Variants in PRKN observed in about 807,000 individuals in gnomAD.
PRKN encodes the protein E3 ubiquitin-protein ligase parkin.
A neutral mutation model predicts 59.5 loss-of-function variants in PRKN; 56 were observed. The observed-to-expected ratio is 0.94, with a 90% confidence interval of 0.76 to 1.18. The LOEUF (loss-of-function observed/expected upper bound fraction) is 1.18, where lower values mean the gene tolerates loss of function less well. Ranked by LOEUF, PRKN falls within the 50% of genes most tolerant of loss-of-function variation. PRKN has a pLI of 0.00. For missense variants in PRKN, 657 were observed against 596.4 expected, an observed-to-expected ratio of 1.10 and a Z score of -1.06; for synonymous variants, 250 against 222.1, an observed-to-expected ratio of 1.13 and a Z score of -1.12.
At chr6:161,904,904 G>A (rs549983246) in intron 6 of PRKN, among the ~76,000 whole-genome samples, 7 of 152,276 alleles carry the variant, frequency 4.6e-5, no homozygotes, top group Non-Finnish European at 7.3e-5. Flanking sequence ...GACTGCAGCC[G>A]TGGAGGTCAA....
rs542543410 is a variant in PRKN at position 162,674,237 on chromosome 6, C to T, written c.7+53425G>A. On this transcript the variant is annotated intron_variant, in intron 1 of 11. Transcript: ENST00000366898. ...TTTTAAAACTTGGTTGGATGAAGCC[C>T]CACCAATGTCTTCAAAAGCCTAACA... is the stretch of plus-strand genomic sequence containing the variant. Among the ~76,000 whole-genome samples, 11 of 152,146 alleles carry T rather than the reference C, an allele frequency of 7.2e-5. No individual in the cohort carries two copies. The East Asian group carries it at 1.5e-3, about 21-fold the overall frequency.
At chr6:161,997,878 T>C (rs1333549416) in intron 5 of PRKN, among the ~76,000 whole-genome samples, 1 of 152,094 alleles carries the variant, frequency 6.6e-6, no homozygotes, top group Non-Finnish European at 1.5e-5. Context: ...TATAAGCCCA[T>C]CTGTGCAAAA....
In PRKN at chr6:161,593,392, G is replaced by A. The variant is rs976557030; in HGVS notation, c.872-23976C>T. Among the ~76,000 whole-genome samples the A allele has an allele frequency of 6.6e-6, 1 of 152,134 alleles. No homozygotes were observed. The highest frequency in any genetic ancestry group is 1.5e-5 in the Non-Finnish European group (1 of 68,026). On this transcript the variant is annotated intron_variant, in intron 7 of 11. Transcript: ENST00000366898. This position sits in a 1 kb window ranked among gnomAD's most constrained non-coding sequence, Gnocchi z 4.8. Reference sequence around the variant, plus strand: ...GCCCAGTGTCACAAAACTAATATATGGTGAGGCTGGTTTCAAGCTAATATT... The same window carrying A: ...GCCCAGTGTCACAAAACTAATATATAGTGAGGCTGGTTTCAAGCTAATATT...
intron 7 of PRKN, among the ~76,000 whole-genome samples, chr6:161,595,931 G>A (rs891012501): frequency 6.6e-6 from 1 of 152,182 alleles, no homozygotes. Context: ...ATCCACATCA[G>A]AGGTTGCATT....
At chr6:161,950,420 C>G (rs1779943326) in intron 6 of PRKN, among the ~76,000 whole-genome samples, 1 of 152,068 alleles carries the variant, frequency 6.6e-6, no homozygotes, top group African/African-American at 2.4e-5. Context: ...TGGTAAGCAC[C>G]TGTATCCCAG....
At chr6:162,341,146 A>G (rs1247759343) in intron 2 of PRKN, among the ~76,000 whole-genome samples, 1 of 152,204 alleles carries the variant, frequency 6.6e-6, no homozygotes, top group Non-Finnish European at 1.5e-5. Context: ...GCCAAGAAAC[A>G]TATGAAAAAA....
intron 6 of PRKN, among the ~76,000 whole-genome samples, chr6:161,945,019 GT>G (rs1236093405): frequency 6.6e-6 from 1 of 152,094 alleles, no homozygotes; most frequent in African/African-American, 2.4e-5. Context: ...GATTAAATTT[GT>G]CAGTATTGTC....
At chr6:161,368,231 T>C (rs570425586) in intron 10 of PRKN, among the ~76,000 whole-genome samples, 4 of 139,326 alleles carry the variant, frequency 2.9e-5, no homozygotes, top group Admixed American at 1.5e-4. Context: ...CTGCGAAACA[T>C]GGTGAAACCC....
rs927222903 is a variant in PRKN, at chr6:162,163,266, T to C, written c.534+37865A>G. 2.0e-5 allele frequency among the ~76,000 whole-genome samples: 3 copies of C among 149,162 alleles called. 1 individual carries two copies. The highest frequency in any genetic ancestry group is 4.4e-5 in the Non-Finnish European group (3 of 67,452). On this transcript the variant is annotated intron_variant, in intron 4 of 11. Coordinates refer to ENST00000366898, the MANE Select transcript of PRKN (RefSeq NM_004562.3). ...CAGGAATCACAGGACATCTCACTTA[T>C]TAAACGGCATCTATGGAATTATGCC... is the stretch of plus-strand genomic sequence containing the variant.
intron 1 of PRKN, among the ~76,000 whole-genome samples, chr6:162,706,813 G>A (rs1778355545): frequency 1.3e-5 from 2 of 151,348 alleles, no homozygotes; most frequent in African/African-American, 4.8e-5. Flanking sequence ...ATGTATCATA[G>A]ATATAGATCA....
chr6:162,475,568 AGT>A (rs965546071), intron 1 of PRKN, among the ~76,000 whole-genome samples: 3 of 134,780 alleles, frequency 2.2e-5, no homozygotes, highest in East Asian at 2.2e-4. Context: ...TATGCATGTG[AGT>A]GTGTGTGTGC....
intron 5 of PRKN, among the ~76,000 whole-genome samples, chr6:162,019,437 G>A (rs1204103233): frequency 6.6e-6 from 1 of 152,186 alleles, no homozygotes; most frequent in East Asian, 1.9e-4. Context: ...CAAGCTCAGA[G>A]ATGGATTGAA....
At position 161,630,921 on chromosome 6, in the gene PRKN, G is replaced by T. The variant is rs1260650162; in HGVS notation, c.872-61505C>A. ...AAAACGGTTTTCTTCCAAAATGTTA[G>T]TCACAGATAAAATAGGATACAGACA... On this transcript the variant is annotated intron_variant, in intron 7 of 11. Transcript: ENST00000366898. Among the ~76,000 whole-genome samples, 5 of 152,364 alleles carry T rather than the reference G, an allele frequency of 3.3e-5. No homozygotes were observed. The East Asian group carries it at 9.6e-4, about 29-fold the overall frequency.
intron 6 of PRKN, among the ~76,000 whole-genome samples, chr6:161,843,871 G>A (rs146630684): frequency 1.8e-3 from 268 of 152,230 alleles, no homozygotes; most frequent in Middle Eastern, 3.4e-3. Context: ...TTCAAACTCA[G>A]TTTGCATCGA....
chr6:162,289,048 T>G (rs1781315877), intron 2 of PRKN, among the ~76,000 whole-genome samples: 1 of 152,120 alleles, frequency 6.6e-6, no homozygotes, highest in Non-Finnish European at 1.5e-5. Flanking sequence ...ATGGGTTTCC[T>G]AGGATGGCAG....
intron 6 of PRKN, among the ~76,000 whole-genome samples, chr6:161,924,859 A>C (rs1778908385): frequency 6.6e-6 from 1 of 152,240 alleles, no homozygotes; most frequent in Non-Finnish European, 1.5e-5. Context: ...GAGATAATCT[A>C]TTTCAGTGAA....
At chr6:162,382,467 T>C (rs1562718492) in intron 2 of PRKN, among the ~76,000 whole-genome samples, 1 of 152,210 alleles carries the variant, frequency 6.6e-6, no homozygotes, top group Non-Finnish European at 1.5e-5. Context: ...TACAATGCTG[T>C]AGTCTATTAA....
chr6:162,016,435 T>C (rs1432031088), intron 5 of PRKN, among the ~76,000 whole-genome samples: 1 of 152,142 alleles, frequency 6.6e-6, no homozygotes, highest in Admixed American at 6.5e-5. Flanking sequence ...TCTTTCTTCT[T>C]GTCTTGATAG....
At chr6:162,301,338 ACTT>A (rs149669467) in intron 2 of PRKN, among the ~76,000 whole-genome samples, 5,885 of 152,100 alleles carry the variant, frequency 0.039, 383 homozygotes, top group African/African-American at 0.13. Flanking sequence ...GCATTCTTAA[ACTT>A]CTGATTGCCT....
Sources: gnomAD v4.1 joint callset for allele counts (sites outside exome capture counted in the v4.1 genomes callset) on GRCh38, gnomAD v4.1.1 for gene constraint, Gnocchi (gnomAD v3.1) non-coding constraint, MANE v1.5 for transcripts, NCBI Gene and HGNC (gene_info 2026-07-23, HGNC 2026-07-21) for gene names.